Variants in UACA observed in about 807,000 individuals in gnomAD.
UACA encodes the protein nuclear membrane binding protein.
Under a neutral mutation model 160.5 loss-of-function variants are expected in UACA, and 112 were observed. That is an observed-to-expected ratio of 0.70 (90% CI 0.60 to 0.82). The LOEUF is 0.82. UACA is among the 40% of genes least tolerant of loss of function. The pLI is 0.00. For missense variants in UACA, 1,574 were observed against 1,614.6 expected, an observed-to-expected ratio of 0.97 and a Z score of 0.43; for synonymous variants, 557 against 568.4, an observed-to-expected ratio of 0.98 and a Z score of 0.29.
chr15:70,690,331 G>C (rs1897886368), intron 5 of UACA, 123 bp downstream of exon 5: 1 of 906,428 alleles, frequency 1.1e-6, no homozygotes, highest in South Asian at 1.6e-5. Flanking sequence ...TGTGCAAACA[G>C]GTTTTTAATA....
Position 70,707,419 on chromosome 15 carries a change from T to C in UACA, c.79-7759A>G, listed in dbSNP as rs567473202. Among the ~76,000 whole-genome samples the C allele has an allele frequency of 2.6e-5, 4 of 152,122 alleles. No individual in the cohort carries two copies. In the South Asian group the frequency reaches 6.2e-4, roughly 24 times the overall value. On this transcript the variant is annotated intron_variant, in intron 1 of 18. Coordinates refer to ENST00000322954, the MANE Select transcript of UACA (RefSeq NM_018003.4). Reference sequence around the variant, plus strand: ...AAAAGCTCAGCTACAAAAGCAAAAATAGATCAATGAAACTATATCAAACTT... The same window carrying C: ...AAAAGCTCAGCTACAAAAGCAAAAACAGATCAATGAAACTATATCAAACTT...
At chr15:70,746,553 AC>A (rs1240477771) in intron 1 of UACA, among the ~76,000 whole-genome samples, 2 of 152,204 alleles carry the variant, frequency 1.3e-5, no homozygotes, top group African/African-American at 4.8e-5. Flanking sequence ...AATTAGTTCA[AC>A]CATTGTGGAA....
chr15:70,682,076 T>G (rs1193688015), intron 9 of UACA: 1 of 152,186 alleles, frequency 6.6e-6, no homozygotes, highest in African/African-American at 2.4e-5. Flanking sequence ...ACACTAGCTT[T>G]TGAGCCACGG....
At chr15:70,759,980 CACAT>C (rs1794006419) in intron 1 of UACA, among the ~76,000 whole-genome samples, 1 of 152,172 alleles carries the variant, frequency 6.6e-6, no homozygotes, top group Admixed American at 6.5e-5. Context: ...CTGCATATGT[CACAT>C]ACCTCAGTCT....
At chr15:70,715,626 CTTTTA>C (rs1898799826) in intron 1 of UACA, among the ~76,000 whole-genome samples, 1 of 152,094 alleles carries the variant, frequency 6.6e-6, no homozygotes, top group African/African-American at 2.4e-5. Flanking sequence ...GCTGCTCTTC[CTTTTA>C]TTTATTAAAT....
rs1896456405 is a variant in UACA, at chr15:70,655,547, T to A, written c.*1509A>T. 2 of 152,196 alleles carry A rather than the reference T, an allele frequency of 1.3e-5. No individual in the cohort carries two copies. Among genetic ancestry groups the A allele is most frequent in the South Asian group, 4.1e-4 (2 of 4,832 alleles). The allele number at this position is 152,196 out of a possible 1,614,324, so 9.4% of individuals were successfully genotyped here. ...CCGGCAACTTTTTTAATTTATATTTTATTTTTTATTGAAATAGGTGGCCCA... is the reference window on the plus strand; with the variant it reads ...CCGGCAACTTTTTTAATTTATATTTAATTTTTTATTGAAATAGGTGGCCCA... On this transcript the variant is annotated 3_prime_UTR_variant, in exon 19 of 19. Coordinates refer to ENST00000322954, the MANE Select transcript of UACA (RefSeq NM_018003.4).
At position 70,668,419 on chromosome 15, in the gene UACA, C is replaced by T. The variant is rs1203089850; in HGVS notation, c.2265G>A (p.Lys755=). Residue 755 remains lysine, a synonymous_variant, in exon 16 of 19, where the codon AAG becomes AAA. Coordinates refer to ENST00000322954, the MANE Select transcript of UACA (RefSeq NM_018003.4). ...GATCATCAATAATTGCATCATGTGA[C>T]TTTTTCATGTCTTCACTTACTTTTA... is the stretch of plus-strand genomic sequence containing the variant. ...VPLKVSEDMK[K]SHDAIIDDLN... is the part of the protein sequence containing the mutation. 1 of 1,611,774 alleles carries T rather than the reference C, an allele frequency of 6.2e-7. No homozygotes were observed. Among genetic ancestry groups the T allele is most frequent in the Non-Finnish European group, 8.5e-7 (1 of 1,179,670 alleles).
chr15:70,667,565 AG>A lies in UACA; in HGVS notation c.3118del (p.Leu1040PhefsTer5), dbSNP rs1251031317. On this transcript the variant is annotated frameshift_variant, in exon 16 of 19. Coordinates refer to ENST00000322954, the MANE Select transcript of UACA (RefSeq NM_018003.4). LOFTEE classifies it high-confidence loss of function. Reference sequence around the variant, plus strand: ...TGTCTTATCTCTCAAATCTTTCTGAAGGGTAAAAATCTCCTTCTTTAACTTG... The same window carrying A: ...TGTCTTATCTCTCAAATCTTTCTGAAGGTAAAAATCTCCTTCTTTAACTTG... ...NDKLKKEIFT[L>X]QKDLRDKTVL... is the part of the protein sequence containing the mutation. 6.2e-7 allele frequency: 1 copy of A among 1,612,938 alleles called. No individual in the cohort carries two copies. The highest frequency in any genetic ancestry group is 8.5e-7 in the Non-Finnish European group (1 of 1,179,942).
chr15:70,676,132 T>C (rs1480410832), intron 13 of UACA, among the ~76,000 whole-genome samples: 3 of 152,190 alleles, frequency 2.0e-5, no homozygotes, highest in Non-Finnish European at 4.4e-5. Flanking sequence ...GAGATAATCC[T>C]GGACATATCA....
intron 1 of UACA, among the ~76,000 whole-genome samples, chr15:70,727,111 C>A (rs1486033131): frequency 6.6e-6 from 1 of 152,124 alleles, no homozygotes; most frequent in African/African-American, 2.4e-5. Flanking sequence ...AAATATGCAG[C>A]TTTTTCTTAA....
In UACA at chr15:70,667,475, T is replaced by C. The variant is rs1566963604; in HGVS notation, c.3209A>G (p.Lys1070Arg). 6.2e-7 allele frequency: 1 copy of C among 1,610,738 alleles called. No individual in the cohort carries two copies. The highest frequency in any genetic ancestry group is 8.5e-7 in the Non-Finnish European group (1 of 1,179,612). The stretch of plus-strand genomic sequence containing the variant: ...TTTCTGTGACAAGTCTTTTAACTGT[T>C]TGTTTAGCTCGTCTGTTTTTCTGCT... ...ALSRKTDELN[K>R]QLKDLSQKYT... is the part of the protein sequence containing the mutation. The change falls in exon 16 of 19, where the codon AAA becomes AGA. Residue 1070 changes from lysine to arginine, a missense_variant. Transcript: ENST00000322954.
intron 1 of UACA, among the ~76,000 whole-genome samples, chr15:70,725,826 C>T (rs577040917): frequency 2.3e-4 from 35 of 152,250 alleles, no homozygotes; most frequent in African/African-American, 7.7e-4. Context: ...GAAGGCGACA[C>T]CAAGTCATCA....
Position 70,679,999 on chromosome 15 carries a change from A to G in UACA, c.823-323T>C, listed in dbSNP as rs568414477. ...ATGCATAACAAAAGTTGGGCTATAA[A>G]GCACTGCATTGCCAACTACTAAAAG... On this transcript the variant is annotated intron_variant, in intron 9 of 18. Coordinates refer to ENST00000322954, the MANE Select transcript of UACA (RefSeq NM_018003.4). The G allele has an allele frequency of 1.7e-4, 27 of 157,312 alleles. No individual in the cohort carries two copies. The South Asian group carries it at 5.5e-3, about 32-fold the overall frequency. 9.7% of individuals were successfully genotyped at this position (157,312 alleles called of 1,614,324 possible). A position where few individuals can be genotyped will look rare whatever the true frequency, so the allele number is the denominator to read the frequency against.
In UACA at chr15:70,667,603, CTTGT is replaced by C; in HGVS notation, c.3077_3080del (p.Asn1026SerfsTer7). 1 of 1,612,898 alleles carries C rather than the reference CTTGT, an allele frequency of 6.2e-7. No individual in the cohort carries two copies. On this transcript the variant is annotated frameshift_variant, in exon 16 of 19. Transcript: ENST00000322954. LOFTEE classifies it high-confidence loss of function. ...CCTTCTTTAACTTGTCATTCTCTTGCTTGTTTTTCTTGACTTCTTCTTCACTGAC... is the reference window on the plus strand; with the variant it reads ...CCTTCTTTAACTTGTCATTCTCTTGCTTTTCTTGACTTCTTCTTCACTGAC...
intron 1 of UACA, chr15:70,701,855 A>G (rs770619527): frequency 3.7e-6 from 6 of 1,602,820 alleles, no homozygotes; most frequent in East Asian, 2.2e-5. Context: ...CTTTTGTTAC[A>G]CTAGACTACT....
intron 5 of UACA, among the ~76,000 whole-genome samples, chr15:70,689,649 A>G (rs1418874348): frequency 6.6e-6 from 1 of 152,188 alleles, no homozygotes; most frequent in African/African-American, 2.4e-5. Flanking sequence ...TTCCATATAC[A>G]TGAAAAGAGA....
At chr15:70,690,839 C>T (rs1897909787) in intron 4 of UACA, among the ~76,000 whole-genome samples, 1 of 151,624 alleles carries the variant, frequency 6.6e-6, no homozygotes, top group Non-Finnish European at 1.5e-5. Flanking sequence ...GTGAGTTCTG[C>T]TATGAAACTT....
At position 70,737,019 on chromosome 15, in the gene UACA, G is replaced by A. The variant is rs186823363; in HGVS notation, c.78+26311C>T. On this transcript the variant is annotated intron_variant, in intron 1 of 18. Transcript: ENST00000322954. ...CTTTGGTTATAAAAGGTATGAGGGT[G>A]TCTCGTATCCATCCTATTATTTTTT... Among the ~76,000 whole-genome samples the A allele has an allele frequency of 6.4e-4, 97 of 152,252 alleles. No individual in the cohort carries two copies. The South Asian group carries it at 8.7e-3, about 14-fold the overall frequency.
chr15:70,670,736 G>T (rs550781699), intron 15 of UACA, among the ~76,000 whole-genome samples: 1 of 151,736 alleles, frequency 6.6e-6, no homozygotes, highest in Non-Finnish European at 1.5e-5. Context: ...CCCTTTATAT[G>T]GGCAAATATG....
Sources: allele counts gnomAD v4.1 joint callset (sites outside exome capture counted in the v4.1 genomes callset), GRCh38; gene constraint gnomAD v4.1.1; transcripts MANE v1.5; gene names NCBI Gene and HGNC (gene_info 2026-07-23, HGNC 2026-07-21).